The following DAB1 variants were observed in gnomAD, a reference collection of about 807,000 sequenced individuals.
The protein encoded by DAB1 is disabled homolog 1.
In DAB1, 15 loss-of-function variants were observed where a neutral mutation model predicts 64.6. The observed-to-expected ratio is 0.23, with a 90% CI of 0.16 to 0.36. DAB1 has a LOEUF of 0.36. Ranked by LOEUF, DAB1 falls within the 10% of genes least tolerant of loss-of-function variation. DAB1 has a pLI of 1.00. For synonymous variants in DAB1, 235 were observed against 251.9 expected, an observed-to-expected ratio of 0.93 and a Z score of 0.64; for missense variants, 596 against 706.7, an observed-to-expected ratio of 0.84 and a Z score of 1.78.
Position 57,307,536 on chromosome 1 carries a change from C to T in DAB1, c.-136-16370G>A, listed in dbSNP as rs544894039. On this transcript the variant is annotated intron_variant, in intron 1 of 14. Coordinates refer to ENST00000371236, the MANE Select transcript of DAB1 (RefSeq NM_001365792.1). Reference sequence around the variant, plus strand: ...TCCCAGACCACACCTCCTTCTCCATCCGCTGAGTCTAGGCCACACCCTCTT... The same window carrying T: ...TCCCAGACCACACCTCCTTCTCCATTCGCTGAGTCTAGGCCACACCCTCTT... Among the ~76,000 whole-genome samples, 36 of 151,060 alleles carry T rather than the reference C, an allele frequency of 2.4e-4. No individual in the cohort carries two copies. The South Asian group carries it at 6.9e-3, about 29-fold the overall frequency.
At chr1:57,432,561 T>G (rs1374825450) in intron 7 of DAB1, among the ~76,000 whole-genome samples, 1 of 152,182 alleles carries the variant, frequency 6.6e-6, no homozygotes, top group Non-Finnish European at 1.5e-5. Flanking sequence ...AAAAAAGTTT[T>G]TTGAAAATTA....
At chr1:58,373,741 A>G (rs376111377) in intron 3 of DAB1, among the ~76,000 whole-genome samples, 1,599 of 151,696 alleles carry the variant, frequency 0.011, 8 homozygotes, top group Non-Finnish European at 0.013. Context: ...CTAGATCCCT[A>G]AGGAATTGCC....
chr1:57,292,390 A>T lies in DAB1; in HGVS notation c.-136-1224T>A, dbSNP rs552449799. Among the ~76,000 whole-genome samples the T allele has an allele frequency of 1.6e-3, 249 of 152,320 alleles. 1 individual carries two copies. Among genetic ancestry groups the T allele is most frequent in the Middle Eastern group, 3.4e-3 (1 of 294 alleles). ...ATTTTTTAAAAAGGAAATGGCCCAA[A>T]TGAAAGTACTTGATCTGGTGAATCT... is the stretch of plus-strand genomic sequence containing the variant. On this transcript the variant is annotated intron_variant, in intron 1 of 14. Transcript: ENST00000371236.
intron 5 of DAB1, among the ~76,000 whole-genome samples, chr1:57,964,662 TTC>T (rs1247898333): frequency 1.3e-5 from 2 of 152,246 alleles, no homozygotes; most frequent in Admixed American, 1.3e-4. Flanking sequence ...CATTCATTTA[TTC>T]ATTCAATGCT....
At chr1:57,288,055 G>A (rs113938748) in intron 2 of DAB1, among the ~76,000 whole-genome samples, 177 of 152,040 alleles carry the variant, frequency 1.2e-3, no homozygotes, top group African/African-American at 4.1e-3. Context: ...CTCAGCCTCC[G>A]AAAGTGCAGG....
intron 2 of DAB1, among the ~76,000 whole-genome samples, chr1:57,218,504 A>T (rs1337181293): frequency 1.6e-5 from 2 of 125,802 alleles, no homozygotes; most frequent in Non-Finnish European, 3.2e-5. Context: ...ACATAGTGAG[A>T]CCCCCATCTC....
chr1:57,437,295 C>T (rs1005907129), intron 7 of DAB1, among the ~76,000 whole-genome samples: 1 of 152,138 alleles, frequency 6.6e-6, no homozygotes, highest in Non-Finnish European at 1.5e-5. Context: ...GAGGTCACAA[C>T]TCTATACCAG....
In DAB1 at chr1:57,727,729, C is replaced by CTTCCTTCCTTCCTTCCTTCCTTCT. The variant is rs1194907356; in HGVS notation, n.552-78065_552-78064insAGAAGGAAGGAAGGAAGGAAGGAA. ...CCTCTTCTGCTTCCTTCCTTCTCTCCTTCCTTCCTTCCTTCCTTCCTTCCT... is the reference window on the plus strand; with the variant it reads ...CCTCTTCTGCTTCCTTCCTTCTCTCCTTCCTTCCTTCCTTCCTTCCTTCTTTCCTTCCTTCCTTCCTTCCTTCCT... On this transcript the variant is annotated intron_variant and non_coding_transcript_variant, in intron 6 of 20. Coordinates refer to the DAB1 transcript ENST00000485760. Among the ~76,000 whole-genome samples the CTTCCTTCCTTCCTTCCTTCCTTCT allele has an allele frequency of 3.0e-3, 452 of 148,546 alleles. 12 individuals carry two copies. In the East Asian group the frequency reaches 0.072, roughly 24 times the overall value.
At chr1:58,477,312 GCTA>G (rs746747481) in intron 3 of DAB1, among the ~76,000 whole-genome samples, 15 of 152,110 alleles carry the variant, frequency 9.9e-5, no homozygotes, top group East Asian at 5.8e-4. Flanking sequence ...TAAAATTTAA[GCTA>G]CTTTTTTATC....
intron 6 of DAB1, among the ~76,000 whole-genome samples, chr1:57,748,683 T>A (rs889276354): frequency 2.6e-5 from 4 of 152,166 alleles, no homozygotes; most frequent in Non-Finnish European, 4.4e-5. Flanking sequence ...CCCAGAATAG[T>A]GAGCCCCTAC....
intron 6 of DAB1, among the ~76,000 whole-genome samples, chr1:57,736,590 T>C (rs1037785492): frequency 2.6e-5 from 4 of 152,190 alleles, no homozygotes; most frequent in Non-Finnish European, 5.9e-5. Flanking sequence ...TGAATAATAA[T>C]ACATATGTTG....
chr1:57,918,296 C>T lies in DAB1; in HGVS notation n.388-34134G>A, dbSNP rs571299715. On this transcript the variant is annotated intron_variant and non_coding_transcript_variant, in intron 5 of 20. Transcript: ENST00000485760. ...TTTTGCTGTAACAGAAAATCTGAGACTGGGTATTTTGTAAAGAGGTTTATT... is the reference window on the plus strand; with the variant it reads ...TTTTGCTGTAACAGAAAATCTGAGATTGGGTATTTTGTAAAGAGGTTTATT... 1.2e-4 allele frequency among the ~76,000 whole-genome samples: 18 copies of T among 152,236 alleles called. No individual in the cohort carries two copies. In the South Asian group the frequency reaches 3.5e-3, roughly 30 times the overall value.
chr1:57,836,801 A>T (rs1652829060), intron 1 of DAB1, among the ~76,000 whole-genome samples: 1 of 151,934 alleles, frequency 6.6e-6, no homozygotes, highest in African/African-American at 2.4e-5. Flanking sequence ...CACCCTTCCT[A>T]TCTCCCTACT....
intron 3 of DAB1, 56 bp downstream of exon 3, chr1:57,145,234 C>A (rs1658996042): frequency 1.2e-5 from 18 of 1,559,704 alleles, no homozygotes; most frequent in Middle Eastern, 1.7e-4. Flanking sequence ...GTAATCACTT[C>A]TTTTCCTCAT....
chr1:57,138,882 T>C lies in DAB1; in HGVS notation c.208-2241A>G, dbSNP rs141917433. The stretch of plus-strand genomic sequence containing the variant: ...TCATTGATTGTCTGCCTTTGCCTAA[T>C]AGAACAAAAGTTCAGTTGTGCATGG... On this transcript the variant is annotated intron_variant, in intron 3 of 14. Transcript: ENST00000371236. Among the ~76,000 whole-genome samples, 421 of 152,314 alleles carry C rather than the reference T, an allele frequency of 2.8e-3. 1 individual carries two copies. The highest frequency in any genetic ancestry group is 9.7e-3 in the African/African-American group (405 of 41,572).
At chr1:57,533,522 T>G (rs1189963961) in intron 7 of DAB1, among the ~76,000 whole-genome samples, 1 of 146,164 alleles carries the variant, frequency 6.8e-6, no homozygotes, top group African/African-American at 2.5e-5. Context: ...AAAACAAAAA[T>G]AGAAAATTCA....
chr1:57,475,736 G>A (rs1056657934), intron 7 of DAB1, among the ~76,000 whole-genome samples: 2 of 152,148 alleles, frequency 1.3e-5, no homozygotes, highest in African/African-American at 2.4e-5. Context: ...AGATGTTACC[G>A]GCCAACGCCA....
At chr1:58,217,638 C>T (rs568864034) in intron 4 of DAB1, among the ~76,000 whole-genome samples, 1 of 152,158 alleles carries the variant, frequency 6.6e-6, no homozygotes, top group Non-Finnish European at 1.5e-5. Flanking sequence ...TTTATAACCG[C>T]ACTGGGATAT....
intron 1 of DAB1, among the ~76,000 whole-genome samples, chr1:57,296,873 C>T (rs975654703): frequency 2.3e-4 from 35 of 152,152 alleles, no homozygotes; most frequent in African/African-American, 7.7e-4. Context: ...ATGCTAAGTC[C>T]GGGAAAAATT....
Sources: gnomAD v4.1 joint callset for allele counts (sites outside exome capture counted in the v4.1 genomes callset) on GRCh38, gnomAD v4.1.1 for gene constraint, MANE v1.5 for transcripts, NCBI Gene and HGNC (gene_info 2026-07-23, HGNC 2026-07-21) for gene names.